Variants in PML observed in about 807,000 individuals in gnomAD.
PML encodes PML nuclear body scaffold.
Under a neutral mutation model 65.2 loss-of-function variants are expected in PML, and 28 were observed. The observed-to-expected ratio is 0.43, with a 90% confidence interval of 0.32 to 0.59. The LOEUF (loss-of-function observed/expected upper bound fraction) is 0.59. PML is among the 20% of genes least tolerant of loss of function. The probability of loss-of-function intolerance (pLI) is 0.08; values close to 1 mark genes in which losing one functional copy is unlikely to be tolerated. For missense variants in PML, 1,021 were observed against 1,203.4 expected (o/e 0.85, Z 2.24); for synonymous variants, 500 against 508.8 (o/e 0.98, Z 0.23).
intron 2 of PML, among the ~76,000 whole-genome samples, chr15:74,022,555 G>C (rs952569012): frequency 2.6e-5 from 4 of 152,214 alleles, no homozygotes; most frequent in African/African-American, 9.7e-5. Flanking sequence ...GGGAAATTCA[G>C]AAGTGGTGGA....
At position 73,997,966 on chromosome 15, in the gene PML, G is replaced by T. The variant is rs537929082; in HGVS notation, c.130-38G>T. On this transcript the variant is annotated intron_variant, in intron 1 of 8. Coordinates refer to ENST00000268058, the MANE Select transcript of PML (RefSeq NM_033238.3). Reference sequence around the variant, plus strand: ...TTGGCCGGTAGGTGGGGGCTTTTGGGACTTCTCCAGGCCTCACCTGCCTCT... The same window carrying T: ...TTGGCCGGTAGGTGGGGGCTTTTGGTACTTCTCCAGGCCTCACCTGCCTCT... 63 of 1,585,906 alleles carry T rather than the reference G, an allele frequency of 4.0e-5. No individual in the cohort carries two copies. The South Asian group carries it at 7.0e-4, about 18-fold the overall frequency.
intron 7 of PML, among the ~76,000 whole-genome samples, chr15:74,041,130 G>A (rs2071687244): frequency 6.6e-6 from 1 of 152,178 alleles, no homozygotes; most frequent in African/African-American, 2.4e-5. Context: ...TTTGGAGCAG[G>A]AAGAAGAACG....
At chr15:74,009,523 G>A (rs2070222722) in intron 2 of PML, among the ~76,000 whole-genome samples, 1 of 152,214 alleles carries the variant, frequency 6.6e-6, no homozygotes, top group Admixed American at 6.5e-5. Flanking sequence ...TTATCTTGAA[G>A]GTAGATTTAT....
At chr15:74,036,423 C>T in intron 7 of PML, 5 of 1,292,920 alleles carry the variant, frequency 3.9e-6, no homozygotes, top group East Asian at 3.4e-5. Flanking sequence ...CCACGACCAT[C>T]GCGTTCTCCG....
At chr15:74,004,101 A>G (rs2069911852) in intron 2 of PML, among the ~76,000 whole-genome samples, 1 of 151,892 alleles carries the variant, frequency 6.6e-6, no homozygotes, top group South Asian at 2.1e-4. Context: ...AAGGATCTTT[A>G]TTTATTTTTA....
chr15:74,029,167 G>C (rs946115240), intron 4 of PML, among the ~76,000 whole-genome samples: 15 of 151,736 alleles, frequency 9.9e-5, no homozygotes, highest in African/African-American at 3.6e-4. Context: ...ACCAACATTT[G>C]TTATATTGTC....
chr15:74,009,765 T>A (rs1024236952), intron 2 of PML, among the ~76,000 whole-genome samples: 1 of 152,098 alleles, frequency 6.6e-6, no homozygotes, highest in Non-Finnish European at 1.5e-5. Flanking sequence ...TTCACCATGT[T>A]GCCCAGGTTG....
In PML at chr15:74,047,496, A is replaced by T. The variant is rs901513449; in HGVS notation, c.*2488A>T. 5 of 222,998 alleles carry T rather than the reference A, an allele frequency of 2.2e-5. No individual in the cohort carries two copies. The highest frequency in any genetic ancestry group is 1.1e-4 in the African/African-American group (5 of 44,710). 13.8% of individuals were successfully genotyped at this position (222,998 alleles called of 1,614,324 possible). ...TATGTCACCTGTGCTTCATCTTTGG[A>T]CTATATCTCAGGTGTTTACGTGTCA... On this transcript the variant is annotated 3_prime_UTR_variant, in exon 9 of 9. Coordinates refer to ENST00000268058, the MANE Select transcript of PML (RefSeq NM_033238.3).
intron 7 of PML, chr15:74,036,543 G>T (rs2071566661): frequency 2.2e-6 from 2 of 927,462 alleles, no homozygotes; most frequent in Non-Finnish European, 1.4e-6. Flanking sequence ...GGCATCAGAG[G>T]TGGGAGGTAG....
chr15:74,015,672 T>A (rs1199666768), intron 2 of PML, among the ~76,000 whole-genome samples: 13 of 152,228 alleles, frequency 8.5e-5, no homozygotes, highest in Admixed American at 4.6e-4. Flanking sequence ...AGCAGGGATG[T>A]CCTGTGCCAT....
At chr15:74,019,156 C>A (rs1475274854) in intron 2 of PML, among the ~76,000 whole-genome samples, 2 of 152,124 alleles carry the variant, frequency 1.3e-5, no homozygotes, top group Non-Finnish European at 2.9e-5. Flanking sequence ...AAAGCAGGGG[C>A]CAGTCACCCT....
intron 7 of PML, chr15:74,034,884 T>C: frequency 7.0e-7 from 1 of 1,438,638 alleles, no homozygotes; most frequent in African/African-American, 1.4e-5. Flanking sequence ...ATTCCTTGGT[T>C]TATTACAGCC....
Position 74,035,535 on chromosome 15 carries a change from C to T in PML, c.1710+1005C>T, listed in dbSNP as rs1472312684. ...TCGGACTTGGTCTCCCCATGTGGTC[C>T]AAGCCAGCACTCCTGCCATCACAGG... is the stretch of plus-strand genomic sequence containing the variant. On this transcript the variant is annotated intron_variant, in intron 7 of 8. Transcript: ENST00000268058. This position sits in a 1 kb window ranked among gnomAD's most constrained non-coding sequence, Gnocchi z 4.1. 1.2e-6 allele frequency: 2 copies of T among 1,610,404 alleles called. No individual in the cohort carries two copies. Among genetic ancestry groups the T allele is most frequent in the East Asian group, 4.5e-5 (2 of 44,828 alleles).
In PML at chr15:74,043,093, A is replaced by G. The variant is rs200895458; in HGVS notation, c.1815A>G (p.Ala605=). ...VLDENLADPQ[A]EDRPLVFFDL... ...ACGAGAACCTTGCTGACCCCCAAGC[A>G]GAAGACAGACCTCTGGTTTTCTTTG... The change falls in exon 8 of 9, where the codon GCA becomes GCG. Residue 605 remains alanine (A), a synonymous_variant. Transcript: ENST00000268058. The surrounding 1 kb of genome is among the most constrained non-coding windows in gnomAD (Gnocchi z 4.3). The G allele has an allele frequency of 6.8e-6, 11 of 1,613,494 alleles. No individual in the cohort carries two copies. In the East Asian group the frequency reaches 2.5e-4, roughly 36 times the overall value.
chr15:74,024,889 G>T lies in PML; in HGVS notation c.1216G>T (p.Ala406Ser). Residue 406 changes from alanine (A) to serine (S), a missense_variant, in exon 4 of 9, where the codon GCT becomes TCT. Ala to Ser is a moderately conservative substitution (Grantham distance 99). Coordinates refer to ENST00000268058, the MANE Select transcript of PML (RefSeq NM_033238.3). ...TGTATCCAAGAAAGCCAGCCCAGAG[G>T]CTGCCAGCACTCCCAGGGACCCTAT... ...AAVSKKASPE[A>S]ASTPRDPIDV... 1 of 1,614,006 alleles carries T rather than the reference G, an allele frequency of 6.2e-7. No individual in the cohort carries two copies.
rs1280573190 is a variant in PML at position 74,024,670 on chromosome 15, C to T, written c.1184-187C>T. On this transcript the variant is annotated intron_variant, in intron 3 of 8. Coordinates refer to ENST00000268058, the MANE Select transcript of PML (RefSeq NM_033238.3). ...CTTTTCCCTTCTGGCTGGGTTCCTG[C>T]CCACTGCATTCGAGAGAGCTCTCCT... Among the ~76,000 whole-genome samples the T allele has an allele frequency of 2.6e-5, 4 of 152,220 alleles. No homozygotes were observed. The East Asian group carries it at 7.7e-4, about 29-fold the overall frequency.
intron 2 of PML, among the ~76,000 whole-genome samples, chr15:74,002,368 T>C (rs2069803603): frequency 7.0e-6 from 1 of 143,444 alleles, no homozygotes; most frequent in Non-Finnish European, 1.5e-5. Flanking sequence ...TATATATCCA[T>C]ATATATGTAA....
Position 74,035,890 on chromosome 15 carries a change from C to T in PML, c.1710+1360C>T, listed in dbSNP as rs754125548. The T allele has an allele frequency of 3.1e-6, 5 of 1,613,744 alleles. No individual in the cohort carries two copies. The South Asian group carries it at 5.5e-5, about 18-fold the overall frequency. On this transcript the variant is annotated intron_variant, in intron 7 of 8. Transcript: ENST00000268058. The surrounding 1 kb of genome is among the most constrained non-coding windows in gnomAD (Gnocchi z 4.1). ...GCCTCTCCAATTACATTCCCACCAC[C>T]CTGTGCCCCAGAAAGGCCCCCCATC...
chr15:74,003,451 C>T (rs2069880709), intron 2 of PML, among the ~76,000 whole-genome samples: 1 of 152,086 alleles, frequency 6.6e-6, no homozygotes, highest in Non-Finnish European at 1.5e-5. Flanking sequence ...AAAGTGTATA[C>T]ACACACCAAC....
Sources: allele counts gnomAD v4.1 joint callset (sites outside exome capture counted in the v4.1 genomes callset), GRCh38; gene constraint gnomAD v4.1.1; non-coding constraint Gnocchi (gnomAD v3.1); transcripts MANE v1.5; gene names NCBI Gene and HGNC (gene_info 2026-07-23, HGNC 2026-07-21).